The following AKAP7 variants were observed in gnomAD, a reference collection of about 807,000 sequenced individuals.
AKAP7 encodes the protein A-kinase anchoring protein 7.
A neutral mutation model predicts 39.5 loss-of-function variants in AKAP7; 39 were observed. The observed-to-expected ratio is 0.99, with a 90% CI of 0.76 to 1.29. The LOEUF (loss-of-function observed/expected upper bound fraction) is 1.29, where lower values mean the gene tolerates loss of function less well. Among genes scored for constraint, AKAP7 ranks in the 50% most tolerant of loss-of-function variants. AKAP7 has a pLI of 0.00. For synonymous variants in AKAP7, 140 were observed against 139.1 expected, an observed-to-expected ratio of 1.01 and a Z score of -0.05; for missense variants, 414 against 407.7, an observed-to-expected ratio of 1.02 and a Z score of -0.13.
chr6:131,212,354 C>G (rs147415781), intron 6 of AKAP7, among the ~76,000 whole-genome samples: 1 of 152,276 alleles, frequency 6.6e-6, no homozygotes, highest in African/African-American at 2.4e-5. Flanking sequence ...GAGAAACATT[C>G]ATTTTAAAAT....
At chr6:131,160,943 C>G (rs1329671543) in intron 3 of AKAP7, among the ~76,000 whole-genome samples, 1 of 151,998 alleles carries the variant, frequency 6.6e-6, no homozygotes, top group Non-Finnish European at 1.5e-5. Flanking sequence ...ATTAAAATCC[C>G]TCAGGAAAGA....
chr6:131,275,341 G>T (rs1562260131), intron 7 of AKAP7, among the ~76,000 whole-genome samples: 1 of 152,252 alleles, frequency 6.6e-6, no homozygotes, highest in East Asian at 1.9e-4. Context: ...GTTTAGAGAG[G>T]TCACGGACAA....
chr6:131,144,511 C>T (rs995763265), intron 1 of AKAP7, among the ~76,000 whole-genome samples: 1 of 152,154 alleles, frequency 6.6e-6, no homozygotes, highest in Non-Finnish European at 1.5e-5. Context: ...GTTCGGACAG[C>T]ATTTGTGTCT....
intron 5 of AKAP7, among the ~76,000 whole-genome samples, chr6:131,195,729 A>G (rs1806859207): frequency 6.6e-6 from 1 of 152,142 alleles, no homozygotes; most frequent in South Asian, 2.1e-4. Flanking sequence ...GCTAGGGTAA[A>G]AGATTTTTTT....
intron 7 of AKAP7, among the ~76,000 whole-genome samples, chr6:131,277,126 G>A (rs905115936): frequency 2.0e-5 from 3 of 152,168 alleles, no homozygotes; most frequent in Non-Finnish European, 2.9e-5. Flanking sequence ...CTGGATGAAC[G>A]ATGCCACAAC....
At chr6:131,234,907 T>TTTC (rs1810916502) in intron 7 of AKAP7, among the ~76,000 whole-genome samples, 1 of 151,838 alleles carries the variant, frequency 6.6e-6, no homozygotes, top group Non-Finnish European at 1.5e-5. Context: ...TTTATTATTA[T>TTTC]TTCTTTTTTT....
chr6:131,250,764 T>C lies in AKAP7; in HGVS notation c.851-30766T>C, dbSNP rs1353002875. 2.9e-5 allele frequency: 21 copies of C among 730,282 alleles called. No homozygotes were observed. In the Admixed American group the frequency reaches 3.9e-4, roughly 14 times the overall value. 45.2% of individuals were successfully genotyped at this position (730,282 alleles called of 1,614,324 possible). On this transcript the variant is annotated intron_variant, in intron 7 of 7. Coordinates refer to ENST00000431975, the MANE Select transcript of AKAP7 (RefSeq NM_016377.4). ...AATGTGTGTTTCTTAAAGGGACTGG[T>C]AGGTGTGTAGTTACAAATTAACTGT...
chr6:131,156,431 A>G (rs1334001806), intron 2 of AKAP7, among the ~76,000 whole-genome samples: 1 of 152,048 alleles, frequency 6.6e-6, no homozygotes, highest in Non-Finnish European at 1.5e-5. Flanking sequence ...TGAGCCCAGG[A>G]GTTCAAGACC....
At chr6:131,243,667 G>T (rs577251055) in intron 7 of AKAP7, among the ~76,000 whole-genome samples, 1 of 152,136 alleles carries the variant, frequency 6.6e-6, no homozygotes, top group Non-Finnish European at 1.5e-5. Flanking sequence ...CTGTTGTCTT[G>T]CCCAAGGTCA....
chr6:131,234,783 C>T (rs1489106013), intron 7 of AKAP7, among the ~76,000 whole-genome samples: 1 of 151,014 alleles, frequency 6.6e-6, no homozygotes, highest in African/African-American at 2.4e-5. Flanking sequence ...TTTATTAAGA[C>T]CATAAATTCC....
intron 7 of AKAP7, among the ~76,000 whole-genome samples, chr6:131,277,172 T>C (rs1008351704): frequency 6.8e-6 from 1 of 148,008 alleles, no homozygotes; most frequent in Admixed American, 6.6e-5. Context: ...CTGAAGTTGA[T>C]TGAAAAGTTT....
intron 6 of AKAP7, among the ~76,000 whole-genome samples, chr6:131,211,243 A>T (rs1428196874): frequency 6.6e-6 from 1 of 152,080 alleles, no homozygotes; most frequent in African/African-American, 2.4e-5. Context: ...TAAGATACAA[A>T]ATCCTTGTCT....
chr6:131,196,955 T>C lies in AKAP7; in HGVS notation c.590-2506T>C, dbSNP rs79454790. 0.014 allele frequency among the ~76,000 whole-genome samples: 2,168 copies of C among 152,236 alleles called. 143 individuals are homozygous for C. The East Asian group carries it at 0.18, about 12-fold the overall frequency. On this transcript the variant is annotated intron_variant, in intron 5 of 7. Coordinates refer to ENST00000431975, the MANE Select transcript of AKAP7 (RefSeq NM_016377.4). ...AACAATTCTATCCATATATATGTATTATATTTATAACTCTGGTCTCCTCTA... is the reference window on the plus strand; with the variant it reads ...AACAATTCTATCCATATATATGTATCATATTTATAACTCTGGTCTCCTCTA...
chr6:131,279,624 T>G (rs1283349641), intron 7 of AKAP7, among the ~76,000 whole-genome samples: 2 of 152,150 alleles, frequency 1.3e-5, no homozygotes, highest in Non-Finnish European at 2.9e-5. Flanking sequence ...CACTTCACTG[T>G]GGACTAGTAG....
rs1358686140 is a variant in AKAP7 at position 131,210,082 on chromosome 6, G to A, written c.703-9579G>A. On this transcript the variant is annotated intron_variant, in intron 6 of 7. Transcript: ENST00000431975. ...AATAATTAACTGCATAGTGAAAGAA[G>A]GTAAAGCTGTATTCTTCTTGAGGGA... is the stretch of plus-strand genomic sequence containing the variant. Among the ~76,000 whole-genome samples the A allele has an allele frequency of 2.0e-5, 3 of 152,132 alleles. No homozygotes were observed. The East Asian group carries it at 5.8e-4, about 29-fold the overall frequency.
At chr6:131,214,280 G>A (rs1259514297) in intron 6 of AKAP7, among the ~76,000 whole-genome samples, 3 of 152,174 alleles carry the variant, frequency 2.0e-5, no homozygotes, top group Non-Finnish European at 2.9e-5. Flanking sequence ...GCTGAAAGGT[G>A]TAATATTGTA....
At position 131,217,058 on chromosome 6, in the gene AKAP7, TGGGTCTGGCCTATGATGAA is replaced by T. The variant is rs536715598; in HGVS notation, c.703-2580_703-2562del. On this transcript the variant is annotated intron_variant, in intron 6 of 7. Coordinates refer to ENST00000431975, the MANE Select transcript of AKAP7 (RefSeq NM_016377.4). ...CATTGATAGTTAAGTAATAGTGCCT[TGGGTCTGGCCTATGATGAA>T]GGGTCTGGCCTATGATGAAGGGAAG... Among the ~76,000 whole-genome samples the T allele has an allele frequency of 1.7e-3, 253 of 152,310 alleles. 1 individual carries two copies. The highest frequency in any genetic ancestry group is 5.9e-3 in the African/African-American group (244 of 41,566).
chr6:131,233,178 C>CA (rs1421151723), intron 7 of AKAP7, among the ~76,000 whole-genome samples: 1 of 152,028 alleles, frequency 6.6e-6, no homozygotes, highest in Non-Finnish European at 1.5e-5. Flanking sequence ...TCACAATAGA[C>CA]AGACTTATAA....
At chr6:131,276,054 T>C (rs192416857) in intron 7 of AKAP7, among the ~76,000 whole-genome samples, 2 of 152,000 alleles carry the variant, frequency 1.3e-5, no homozygotes, top group Non-Finnish European at 2.9e-5. Context: ...GAGGGTGGAG[T>C]TGGGTGGAGG....
Sources: allele counts gnomAD v4.1 joint callset (sites outside exome capture counted in the v4.1 genomes callset), GRCh38; gene constraint gnomAD v4.1.1; transcripts MANE v1.5; gene names NCBI Gene and HGNC (gene_info 2026-07-23, HGNC 2026-07-21).